Variants in LTBP1 observed in about 807,000 individuals in gnomAD.
LTBP1 encodes the protein latent transforming growth factor beta binding protein 1.
A neutral mutation model predicts 207.6 loss-of-function variants in LTBP1; 129 were observed. The observed-to-expected ratio is 0.62, with a 90% CI of 0.54 to 0.72. The LOEUF is 0.72. Among genes scored for constraint, LTBP1 ranks in the 30% least tolerant of loss-of-function variants. The pLI, the probability that LTBP1 is intolerant of heterozygous loss-of-function variation, is 0.00. For synonymous variants in LTBP1, 963 were observed against 833.7 expected, an observed-to-expected ratio of 1.16 and a Z score of -2.67; for missense variants, 2,281 against 2,217.2, an observed-to-expected ratio of 1.03 and a Z score of -0.58.
chr2:32,948,261 C>T (rs1676573900), intron 1 of LTBP1, among the ~76,000 whole-genome samples: 1 of 152,212 alleles, frequency 6.6e-6, no homozygotes, highest in Non-Finnish European at 1.5e-5. Context: ...TGTTCTGTGG[C>T]CTGGAACTTT....
chr2:33,291,604 TTTTTG>T (rs561184019), intron 19 of LTBP1: 4 of 152,288 alleles, frequency 2.6e-5, no homozygotes, highest in South Asian at 4.1e-4. Context: ...GGAAGTGCTA[TTTTTG>T]TTATCGTGGA....
chr2:33,316,546 T>C (rs1386388281), intron 24 of LTBP1, among the ~76,000 whole-genome samples: 1 of 152,090 alleles, frequency 6.6e-6, no homozygotes, highest in African/African-American at 2.4e-5. Flanking sequence ...TGACTAGAAC[T>C]GGGAGAGAGA....
chr2:33,259,598 A>G lies in LTBP1; in HGVS notation c.2406A>G (p.Ala802=). Residue 802 remains alanine, a synonymous_variant, in exon 13 of 34, where the codon GCA becomes GCG. Coordinates refer to ENST00000404816, the MANE Select transcript of LTBP1 (RefSeq NM_206943.4). ...PGVAEPEVAT[A]PPEKEIPSLD... ...CTTTTCTGGTTTTAGTGGCAACTGC[A>G]CCCCCTGAAAAGGTAATTTATTCAT... 6.2e-7 allele frequency: 1 copy of G among 1,602,988 alleles called. No individual in the cohort carries two copies. Among genetic ancestry groups the G allele is most frequent in the Non-Finnish European group, 8.5e-7 (1 of 1,175,264 alleles).
At chr2:33,352,512 C>T (rs574293922) in intron 26 of LTBP1, among the ~76,000 whole-genome samples, 59 of 152,232 alleles carry the variant, frequency 3.9e-4, no homozygotes, top group Middle Eastern at 3.4e-3. Flanking sequence ...GTCATCCAAG[C>T]AGTCCATCAT....
chr2:33,179,916 G>T (rs919299093), intron 5 of LTBP1, among the ~76,000 whole-genome samples: 2 of 152,032 alleles, frequency 1.3e-5, no homozygotes. Context: ...AACAGGAATC[G>T]GGCCTGTGTC....
chr2:33,108,094 C>T (rs1387125660), intron 3 of LTBP1, among the ~76,000 whole-genome samples: 1 of 152,164 alleles, frequency 6.6e-6, no homozygotes, highest in Non-Finnish European at 1.5e-5. Flanking sequence ...TGGACACCAA[C>T]CACGAAGGAG....
chr2:33,085,897 G>A (rs1360501755), intron 3 of LTBP1, among the ~76,000 whole-genome samples: 1 of 152,204 alleles, frequency 6.6e-6, no homozygotes, highest in Non-Finnish European at 1.5e-5. Flanking sequence ...TATAATTACA[G>A]GAAGAAGTCT....
intron 3 of LTBP1, among the ~76,000 whole-genome samples, chr2:33,083,224 A>T (rs1462929993): frequency 6.6e-6 from 1 of 151,942 alleles, no homozygotes; most frequent in African/African-American, 2.4e-5. Context: ...GATCATTTGT[A>T]GGCTAGTTCT....
At chr2:33,148,874 T>C (rs538353343) in intron 5 of LTBP1, among the ~76,000 whole-genome samples, 20 of 152,212 alleles carry the variant, frequency 1.3e-4, no homozygotes, top group African/African-American at 4.6e-4. Flanking sequence ...TCTTGGCGTA[T>C]AGTGGGTGGA....
rs536525193 is a variant in LTBP1, at chr2:32,989,609, T to C, written c.566-31300T>C. On this transcript the variant is annotated intron_variant, in intron 2 of 33. Coordinates refer to ENST00000404816, the MANE Select transcript of LTBP1 (RefSeq NM_206943.4). ...GCCCAGGGACAGAGTGTGCCAGTCA[T>C]AGAGGTGTCTGGGGAACAAGTCCCT... Among the ~76,000 whole-genome samples the C allele has an allele frequency of 1.5e-4, 23 of 152,316 alleles. No individual in the cohort carries two copies. In the South Asian group the frequency reaches 4.8e-3, roughly 32 times the overall value.
At chr2:32,970,582 T>TATGTC (rs1680703970) in intron 2 of LTBP1, among the ~76,000 whole-genome samples, 1 of 152,160 alleles carries the variant, frequency 6.6e-6, no homozygotes, top group South Asian at 2.1e-4. Context: ...TGTGTGGCTT[T>TATGTC]ATGTCTGGGT....
chr2:33,306,503 A>G (rs577943083), intron 22 of LTBP1, among the ~76,000 whole-genome samples: 82 of 151,562 alleles, frequency 5.4e-4, no homozygotes, highest in African/African-American at 1.9e-3. Context: ...CTGGGTGGCA[A>G]TAGTTGCAGT....
At chr2:33,036,805 G>A (rs1001147469) in intron 3 of LTBP1, among the ~76,000 whole-genome samples, 1 of 152,050 alleles carries the variant, frequency 6.6e-6, no homozygotes, top group Non-Finnish European at 1.5e-5. Flanking sequence ...AGTTTAAAAA[G>A]CTTTTTTAGC....
At chr2:33,249,893 ATCTTTTGG>A (rs2092633646) in intron 10 of LTBP1, among the ~76,000 whole-genome samples, 1 of 152,208 alleles carries the variant, frequency 6.6e-6, no homozygotes. Flanking sequence ...TCCCTTAGAA[ATCTTTTGG>A]TATTTCTAGT....
In LTBP1 at chr2:33,315,128, CTA is replaced by C. The variant is rs1291143706; in HGVS notation, c.3605-14_3605-13del. 1.9e-6 allele frequency: 3 copies of C among 1,585,100 alleles called. No individual in the cohort carries two copies. In the East Asian group the frequency reaches 6.7e-5, roughly 35 times the overall value. ...CGATTTTTTTCAAGTTTTTAAGACT[CTA>C]TTTTAAATTACAGATATTAATGAAT... On this transcript the variant is annotated splice_polypyrimidine_tract_variant and intron_variant, in intron 23 of 33. Transcript: ENST00000404816.
chr2:33,300,509 G>A lies in LTBP1; in HGVS notation c.3294G>A (p.Glu1098=). 1 of 1,613,810 alleles carries A rather than the reference G, an allele frequency of 6.2e-7. No homozygotes were observed. Among genetic ancestry groups the A allele is most frequent in the South Asian group, 1.1e-5 (1 of 91,060 alleles). The change falls in exon 21 of 34, where the codon GAG becomes GAA. Residue 1098 remains glutamate (E), a synonymous_variant. Transcript: ENST00000404816. ...LCVNGQCKNT[E]GSFRCTCGQG... ...TAAACGGGCAGTGCAAAAATACCGA[G>A]GGCTCCTTCAGGTGCACCTGTGGAC...
chr2:33,202,729 A>G (rs1286009779), intron 7 of LTBP1, among the ~76,000 whole-genome samples: 1 of 152,224 alleles, frequency 6.6e-6, no homozygotes, highest in Non-Finnish European at 1.5e-5. Context: ...GCAGAGGTGA[A>G]TTGTGGCTCT....
chr2:33,123,766 T>C (rs1190705949), intron 4 of LTBP1, among the ~76,000 whole-genome samples: 1 of 152,208 alleles, frequency 6.6e-6, no homozygotes, highest in Non-Finnish European at 1.5e-5. Context: ...CTCATCTATT[T>C]AGCACTTTCT....
chr2:33,255,535 ATG>A (rs1281826353), intron 11 of LTBP1, among the ~76,000 whole-genome samples: 8 of 152,192 alleles, frequency 5.3e-5, no homozygotes, highest in Non-Finnish European at 1.0e-4. Context: ...ATGCACACGT[ATG>A]TTTATTGCGG....
Sources: gnomAD v4.1 joint callset for allele counts (sites outside exome capture counted in the v4.1 genomes callset) on GRCh38, gnomAD v4.1.1 for gene constraint, MANE v1.5 for transcripts, NCBI Gene and HGNC (gene_info 2026-07-23, HGNC 2026-07-21) for gene names.